KIAA1217: variants seen among roughly 807,000 people sequenced by gnomAD.
KIAA1217 encodes sickle tail protein homolog.
Under a neutral mutation model 163.9 loss-of-function variants are expected in KIAA1217, and 88 were observed. The observed-to-expected ratio is 0.54, with a 90% CI of 0.45 to 0.64. The LOEUF (loss-of-function observed/expected upper bound fraction) is 0.64, where lower values mean the gene tolerates loss of function less well. KIAA1217 is among the 30% of genes least tolerant of loss of function. The probability of loss-of-function intolerance (pLI) is 0.00; values close to 1 mark genes in which losing one functional copy is unlikely to be tolerated. For missense variants in KIAA1217, 2,372 were observed against 2,475.0 expected, an observed-to-expected ratio of 0.96 and a Z score of 0.88; for synonymous variants, 903 against 923.1, an observed-to-expected ratio of 0.98 and a Z score of 0.39.
intron 1 of KIAA1217, among the ~76,000 whole-genome samples, chr10:23,805,296 G>T (rs1836680849): frequency 1.3e-5 from 2 of 152,220 alleles, no homozygotes; most frequent in African/African-American, 4.8e-5. Context: ...ACTGTATAAA[G>T]AAAATTTCTT....
intron 2 of KIAA1217, among the ~76,000 whole-genome samples, chr10:24,321,528 T>G (rs1017371877): frequency 6.6e-6 from 1 of 151,924 alleles, no homozygotes; most frequent in African/African-American, 2.4e-5. Flanking sequence ...GAGCAAGGCT[T>G]CATCTCAAAG....
chr10:24,380,948 C>G lies in KIAA1217; in HGVS notation c.434C>G (p.Ala145Gly), dbSNP rs17506606. ...GTCGAGCATTTATCAGAGACGTCCGCTGATTCTTTGGAAGCCATGTCTGAG... is the reference window on the plus strand; with the variant it reads ...GTCGAGCATTTATCAGAGACGTCCGGTGATTCTTTGGAAGCCATGTCTGAG... Reference protein sequence around the residue: ...DPVEHLSETSADSLEAMSEGD... With the variant: ...DPVEHLSETSGDSLEAMSEGD... Residue 145 changes from alanine (A) to glycine (G), a missense_variant, in exon 3 of 21, where the codon GCT becomes GGT. Physicochemically the swap from Ala to Gly is moderately conservative, Grantham distance 60 (BLOSUM62 0). Transcript: ENST00000376454. 357,559 of 1,607,060 alleles carry G rather than the reference C, an allele frequency of 0.22. 43,771 individuals carry two copies. Among genetic ancestry groups the G allele is most frequent in the Non-Finnish European group, 0.25 (294,874 of 1,175,992 alleles).
intron 2 of KIAA1217, among the ~76,000 whole-genome samples, chr10:24,276,665 A>T (rs772604282): frequency 1.4e-5 from 2 of 147,670 alleles, no homozygotes; most frequent in Non-Finnish European, 3.0e-5. Context: ...GCCGTAGTGC[A>T]GTGGCGCGAT....
intron 1 of KIAA1217, among the ~76,000 whole-genome samples, chr10:23,941,692 G>T (rs1843774680): frequency 6.6e-6 from 1 of 152,090 alleles, no homozygotes; most frequent in African/African-American, 2.4e-5. Context: ...GAGAATCCCA[G>T]GAGCCCAGCA....
At chr10:24,469,835 C>A (rs1189321708) in intron 5 of KIAA1217, among the ~76,000 whole-genome samples, 1 of 152,194 alleles carries the variant, frequency 6.6e-6, no homozygotes, top group Non-Finnish European at 1.5e-5. Context: ...TGGTCTCGAA[C>A]TCCTGACCTC....
chr10:24,212,106 G>C (rs867472161), intron 1 of KIAA1217, among the ~76,000 whole-genome samples: 1 of 151,832 alleles, frequency 6.6e-6, no homozygotes. Flanking sequence ...AAAAAAAGAA[G>C]AGAGAGGAGG....
chr10:24,018,127 A>G (rs1344438281), intron 2 of KIAA1217, among the ~76,000 whole-genome samples: 3 of 151,940 alleles, frequency 2.0e-5, no homozygotes, highest in Non-Finnish European at 4.4e-5. Flanking sequence ...CTTAAACCCA[A>G]GCTTCATATT....
intron 2 of KIAA1217, among the ~76,000 whole-genome samples, chr10:24,038,388 G>A (rs1180529419): frequency 6.6e-6 from 1 of 152,182 alleles, no homozygotes; most frequent in African/African-American, 2.4e-5. Context: ...TGTTTCTTGA[G>A]TGACAGGGGA....
intron 1 of KIAA1217, among the ~76,000 whole-genome samples, chr10:23,909,878 T>C (rs1008935102): frequency 2.6e-5 from 4 of 152,166 alleles, no homozygotes; most frequent in Admixed American, 6.5e-5. Flanking sequence ...CACCTTATCT[T>C]CCAGAATGGT....
At chr10:24,082,741 A>T (rs1014877950) in intron 2 of KIAA1217, among the ~76,000 whole-genome samples, 1 of 152,164 alleles carries the variant, frequency 6.6e-6, no homozygotes, top group African/African-American at 2.4e-5. Flanking sequence ...GATGATTTAT[A>T]TTTCTTTGGG....
At chr10:24,390,114 T>A (rs2054649453) in intron 3 of KIAA1217, among the ~76,000 whole-genome samples, 1 of 152,202 alleles carries the variant, frequency 6.6e-6, no homozygotes, top group Non-Finnish European at 1.5e-5. Flanking sequence ...CCATTTTTTT[T>A]AACTGGCTGA....
intron 2 of KIAA1217, among the ~76,000 whole-genome samples, chr10:24,163,345 T>A (rs1589732979): frequency 6.6e-6 from 1 of 152,338 alleles, no homozygotes; most frequent in Middle Eastern, 3.4e-3. Flanking sequence ...ATCTGTAAAA[T>A]GAGACTATTG....
At chr10:24,029,272 T>G (rs11013861) in intron 2 of KIAA1217, among the ~76,000 whole-genome samples, 4,093 of 152,240 alleles carry the variant, frequency 0.027, 123 homozygotes, top group African/African-American at 0.074. Flanking sequence ...CATCAAACCT[T>G]TCTTTACAAT....
At chr10:23,964,093 G>T (rs1449138232) in intron 1 of KIAA1217, among the ~76,000 whole-genome samples, 1 of 151,472 alleles carries the variant, frequency 6.6e-6, no homozygotes, top group Non-Finnish European at 1.5e-5. Context: ...TAATAGAGAC[G>T]GGGTTTCACC....
intron 1 of KIAA1217, among the ~76,000 whole-genome samples, chr10:23,759,415 A>G (rs1471726440): frequency 1.3e-5 from 2 of 152,112 alleles, no homozygotes; most frequent in Non-Finnish European, 2.9e-5. Context: ...TTTCTTGCCT[A>G]TCGGCTCTGG....
intron 2 of KIAA1217, among the ~76,000 whole-genome samples, chr10:24,235,890 G>C (rs1564317195): frequency 6.6e-6 from 1 of 152,136 alleles, no homozygotes; most frequent in Non-Finnish European, 1.5e-5. Flanking sequence ...GCTTCGTTTA[G>C]TTAGGCTCTT....
At chr10:24,150,653 T>A (rs2064565940) in intron 2 of KIAA1217, among the ~76,000 whole-genome samples, 1 of 152,174 alleles carries the variant, frequency 6.6e-6, no homozygotes, top group South Asian at 2.1e-4. Flanking sequence ...AGTTTATAGA[T>A]AATCAACTGG....
At chr10:24,189,400 G>T (rs182225559) in intron 2 of KIAA1217, among the ~76,000 whole-genome samples, 1 of 152,130 alleles carries the variant, frequency 6.6e-6, no homozygotes, top group Non-Finnish European at 1.5e-5. Context: ...ATGATTGGTC[G>T]CCTTGGTATA....
At chr10:24,259,560 A>G (rs2075518401) in intron 2 of KIAA1217, among the ~76,000 whole-genome samples, 1 of 152,216 alleles carries the variant, frequency 6.6e-6, no homozygotes, top group South Asian at 2.1e-4. Flanking sequence ...AGATGCGATG[A>G]GCTATGATTG....
Sources: allele counts gnomAD v4.1 joint callset (sites outside exome capture counted in the v4.1 genomes callset), GRCh38; gene constraint gnomAD v4.1.1; transcripts MANE v1.5; gene names NCBI Gene and HGNC (gene_info 2026-07-23, HGNC 2026-07-21).